Variants in SGCD observed in about 807,000 individuals in gnomAD.
SGCD encodes sarcoglycan delta.
A neutral mutation model predicts 36.6 loss-of-function variants in SGCD; 18 were observed. The ratio of observed to expected loss-of-function variants is 0.49; its 90% CI spans 0.34 to 0.73. The LOEUF (loss-of-function observed/expected upper bound fraction) is 0.73, where lower values mean the gene tolerates loss of function less well. Among genes scored for constraint, SGCD ranks in the 30% least tolerant of loss-of-function variants. The probability of loss-of-function intolerance (pLI) is 0.01; values close to 1 mark genes in which losing one functional copy is unlikely to be tolerated. For synonymous variants in SGCD, 133 were observed against 130.6 expected, an observed-to-expected ratio of 1.02 and a Z score of -0.12; for missense variants, 387 against 346.7, an observed-to-expected ratio of 1.12 and a Z score of -0.92.
chr5:156,429,642 A>G (rs1386233579), intron 3 of SGCD, among the ~76,000 whole-genome samples: 1 of 150,328 alleles, frequency 6.7e-6, no homozygotes, highest in African/African-American at 2.5e-5. Flanking sequence ...AGGAAGTTCT[A>G]TTTTGGTGTA....
intron 4 of SGCD, among the ~76,000 whole-genome samples, chr5:156,567,377 AATAG>A (rs35083006): frequency 0.24 from 32,010 of 131,308 alleles, 4,094 homozygotes; most frequent in African/African-American, 0.32. Context: ...TGGATAGATA[AATAG>A]ATAGATAGAT....
At chr5:156,615,834 TG>T (rs1231968015) in intron 6 of SGCD, among the ~76,000 whole-genome samples, 2 of 152,132 alleles carry the variant, frequency 1.3e-5, no homozygotes, top group Non-Finnish European at 2.9e-5. Flanking sequence ...TTGGGTGTAG[TG>T]GGAGAGAGAG....
intron 1 of SGCD, among the ~76,000 whole-genome samples, chr5:155,961,699 A>G (rs1469518127): frequency 2.0e-5 from 3 of 152,240 alleles, no homozygotes; most frequent in Non-Finnish European, 4.4e-5. Flanking sequence ...TAAGGTATTT[A>G]TGAAACCAAA....
At position 156,767,269 on chromosome 5, in the gene SGCD, T is replaced by C. The variant is rs566395698; in HGVS notation, c.*7879T>C. On this transcript the variant is annotated 3_prime_UTR_variant, in exon 9 of 9. Coordinates refer to ENST00000337851, the MANE Select transcript of SGCD (RefSeq NM_000337.6). ...CTAGTCTGTGACGGAGGGAATAAAG[T>C]TTTTCATGTATCAACCACCTCCCCC... 2 of 152,166 alleles carry C rather than the reference T, an allele frequency of 1.3e-5. No individual in the cohort carries two copies. Among genetic ancestry groups the C allele is most frequent in the Admixed American group, 1.3e-4 (2 of 15,280 alleles). 9.4% of individuals were successfully genotyped at this position (152,166 alleles called of 1,614,324 possible). A position where few individuals can be genotyped will look rare whatever the true frequency, so the allele number is the denominator to read the frequency against.
At chr5:156,195,968 G>A (rs1208199438) in intron 3 of SGCD, among the ~76,000 whole-genome samples, 1 of 152,132 alleles carries the variant, frequency 6.6e-6, no homozygotes, top group East Asian at 1.9e-4. Context: ...CCTGAGAGCT[G>A]CAGGTTTCAG....
In SGCD at chr5:156,617,234, C is replaced by G. The variant is rs891406801; in HGVS notation, c.502+22183C>G. Among the ~76,000 whole-genome samples, 8 of 152,152 alleles carry G rather than the reference C, an allele frequency of 5.3e-5. 1 individual carries two copies. Among genetic ancestry groups the G allele is most frequent in the Admixed American group, 5.2e-4 (8 of 15,288 alleles). On this transcript the variant is annotated intron_variant, in intron 6 of 8. Transcript: ENST00000337851. ...CTGAAATGTCTCACAACTCACCTGA[C>G]AGTGTAGTAAAAAGAAGCAGGGGAG... is the stretch of plus-strand genomic sequence containing the variant.
At chr5:156,006,066 CAT>C (rs1422473127) in intron 1 of SGCD, among the ~76,000 whole-genome samples, 1 of 152,116 alleles carries the variant, frequency 6.6e-6, no homozygotes, top group Non-Finnish European at 1.5e-5. Flanking sequence ...TTGTGAAGAT[CAT>C]ATGAGAATAT....
chr5:156,503,164 C>A (rs1159159970), intron 3 of SGCD, among the ~76,000 whole-genome samples: 2 of 152,126 alleles, frequency 1.3e-5, no homozygotes, highest in African/African-American at 4.8e-5. Flanking sequence ...GAACTGTGGT[C>A]GTTTCTGTAC....
chr5:155,872,294 A>G (rs1016365461), intron 1 of SGCD, among the ~76,000 whole-genome samples: 11 of 151,980 alleles, frequency 7.2e-5, no homozygotes, highest in Admixed American at 2.0e-4. Context: ...TGTGAAATCA[A>G]TGTGAAACAA....
intron 1 of SGCD, among the ~76,000 whole-genome samples, chr5:155,958,777 G>T (rs1050376979): frequency 2.0e-5 from 3 of 152,176 alleles, no homozygotes; most frequent in East Asian, 3.9e-4. Flanking sequence ...TACCTCAAAG[G>T]GTTGCTGTGA....
the SGCD span, among the ~76,000 whole-genome samples, chr5:155,863,865 C>G: frequency 6.6e-6 from 1 of 152,120 alleles, no homozygotes; most frequent in Admixed American, 6.5e-5. Flanking sequence ...TATTGACCAT[C>G]TGCTGTGTGC....
chr5:156,460,769 TAA>T (rs1449150639), intron 3 of SGCD, among the ~76,000 whole-genome samples: 2 of 152,124 alleles, frequency 1.3e-5, no homozygotes, highest in Non-Finnish European at 1.5e-5. Flanking sequence ...TACAGGATGT[TAA>T]AAGATGGTTC....
At chr5:156,150,940 T>C (rs1762818715) in intron 3 of SGCD, among the ~76,000 whole-genome samples, 1 of 151,654 alleles carries the variant, frequency 6.6e-6, no homozygotes, top group Admixed American at 6.6e-5. Flanking sequence ...CATCTGTACT[T>C]CAAGGGCTCT....
intron 7 of SGCD, among the ~76,000 whole-genome samples, chr5:156,683,608 T>C (rs557492673): frequency 6.6e-6 from 1 of 152,292 alleles, no homozygotes; most frequent in South Asian, 2.1e-4. Context: ...ACCTTCCTGG[T>C]AAGTTAATTA....
chr5:156,420,425 T>C (rs1773249012), intron 3 of SGCD, among the ~76,000 whole-genome samples: 1 of 152,140 alleles, frequency 6.6e-6, no homozygotes, highest in Non-Finnish European at 1.5e-5. Flanking sequence ...ACTAAGCCCA[T>C]GCCATTAGGA....
At chr5:156,609,092 G>C (rs1199524315) in intron 6 of SGCD, among the ~76,000 whole-genome samples, 2 of 151,634 alleles carry the variant, frequency 1.3e-5, no homozygotes, top group East Asian at 3.9e-4. Context: ...TCATGATGAT[G>C]TTAGCTGGTT....
At chr5:156,382,299 T>A (rs17053506) in intron 3 of SGCD, among the ~76,000 whole-genome samples, 1,937 of 152,244 alleles carry the variant, frequency 0.013, 47 homozygotes, top group African/African-American at 0.045. Context: ...CCAGCGAGAA[T>A]ATGTGAAATT....
At chr5:155,851,788 T>A in the SGCD span, among the ~76,000 whole-genome samples, 3 of 152,212 alleles carry the variant, frequency 2.0e-5, no homozygotes, top group Non-Finnish European at 4.4e-5. Flanking sequence ...GAGAGCCTCT[T>A]TTCCCTCAAG....
chr5:156,433,523 G>C (rs1285770234), intron 3 of SGCD, among the ~76,000 whole-genome samples: 1 of 152,098 alleles, frequency 6.6e-6, no homozygotes, highest in Non-Finnish European at 1.5e-5. Context: ...GTCTCTTTGT[G>C]CCTCCGCCTT....
Sources: gnomAD v4.1 joint callset for allele counts (sites outside exome capture counted in the v4.1 genomes callset) on GRCh38, gnomAD v4.1.1 for gene constraint, MANE v1.5 for transcripts, NCBI Gene and HGNC (gene_info 2026-07-23, HGNC 2026-07-21) for gene names.